The following DOCK4 variants were observed in gnomAD, a reference collection of about 807,000 sequenced individuals.
The protein encoded by DOCK4 is dedicator of cytokinesis protein 4.
In DOCK4, 97 loss-of-function variants were observed where a neutral mutation model predicts 268.1. The ratio of observed to expected loss-of-function variants is 0.36; its 90% confidence interval spans 0.31 to 0.43. The LOEUF is 0.43. DOCK4 is among the 20% of genes least tolerant of loss of function. The pLI is 1.00. For missense variants in DOCK4, 2,145 were observed against 2,455.7 expected (o/e 0.87, Z 2.67); for synonymous variants, 954 against 887.2 (o/e 1.08, Z -1.34).
chr7:111,996,285 A>C (rs919697655), intron 4 of DOCK4, among the ~76,000 whole-genome samples: 8 of 152,196 alleles, frequency 5.3e-5, no homozygotes, highest in African/African-American at 1.9e-4. Flanking sequence ...GCAAAATTTA[A>C]ATTTTTAAGC....
At chr7:112,080,607 A>T (rs894767045) in intron 1 of DOCK4, among the ~76,000 whole-genome samples, 1 of 152,206 alleles carries the variant, frequency 6.6e-6, no homozygotes, top group Admixed American at 6.5e-5. Flanking sequence ...TTGGCTACGC[A>T]CTTGTGACAA....
chr7:111,780,175 G>T (rs1237471956), intron 35 of DOCK4, among the ~76,000 whole-genome samples: 1 of 151,936 alleles, frequency 6.6e-6, no homozygotes, highest in Non-Finnish European at 1.5e-5. Context: ...TGTACTTTCC[G>T]CCCATTACCT....
At chr7:111,977,060 A>C (rs1277626132) in intron 8 of DOCK4, 72 bp downstream of exon 8, 1 of 1,540,646 alleles carries the variant, frequency 6.5e-7, no homozygotes, top group Non-Finnish European at 8.8e-7. Context: ...TATATATCTT[A>C]CAGCTTGCCA....
chr7:112,174,804 G>A (rs1466358809), intron 1 of DOCK4, among the ~76,000 whole-genome samples: 4 of 151,988 alleles, frequency 2.6e-5, no homozygotes, highest in Non-Finnish European at 5.9e-5. Context: ...CAGATGACTG[G>A]TCTCTCATTT....
chr7:112,115,733 G>A (rs930137055), intron 1 of DOCK4, among the ~76,000 whole-genome samples: 1 of 152,136 alleles, frequency 6.6e-6, no homozygotes, highest in African/African-American at 2.4e-5. Flanking sequence ...CCAGGCTGGA[G>A]TGCAGTGGTG....
intron 38 of DOCK4, among the ~76,000 whole-genome samples, chr7:111,766,466 G>C (rs1797767508): frequency 6.6e-6 from 1 of 152,184 alleles, no homozygotes; most frequent in African/African-American, 2.4e-5. Context: ...TAAGGACTTG[G>C]AGGGCAAGGA....
chr7:112,205,495 C>T (rs1263070943), intron 1 of DOCK4, among the ~76,000 whole-genome samples: 1 of 152,168 alleles, frequency 6.6e-6, no homozygotes, highest in African/African-American at 2.4e-5. Context: ...GCAACATACA[C>T]ACCCCATAAA....
At chr7:111,757,635 T>C (rs1317135851) in intron 41 of DOCK4, among the ~76,000 whole-genome samples, 1 of 152,142 alleles carries the variant, frequency 6.6e-6, no homozygotes, top group East Asian at 1.9e-4. Context: ...TGCTCTTTAT[T>C]CAATCCTGTC....
At position 111,758,773 on chromosome 7, in the gene DOCK4, C is replaced by A. The variant is rs1193689177; in HGVS notation, c.4180G>T (p.Val1394Leu). ...AEAQYLQIYA[V>L]TPIPESQEVL... is the part of the protein sequence containing the mutation. ...TCCTGGCTCTCTGGAATGGGAGTCA[C>A]AGCATATATCTGCAAATCTAGGATT... Residue 1394 changes from valine (V) to leucine (L), a missense_variant, in exon 41 of 53, where the codon GTG (valine) becomes TTG (leucine). By Grantham distance (32) the Val-to-Leu change is conservative. Transcript: ENST00000428084. 1.2e-6 allele frequency: 2 copies of A among 1,613,780 alleles called. No homozygotes were observed. The highest frequency in any genetic ancestry group is 1.7e-6 in the Non-Finnish European group (2 of 1,179,808).
At chr7:112,092,759 A>G (rs1809749401) in intron 1 of DOCK4, among the ~76,000 whole-genome samples, 1 of 152,160 alleles carries the variant, frequency 6.6e-6, no homozygotes, top group Non-Finnish European at 1.5e-5. Context: ...AATAGATCAG[A>G]AGGCCATAAT....
intron 1 of DOCK4, among the ~76,000 whole-genome samples, chr7:112,203,235 C>T (rs1821099342): frequency 6.6e-6 from 1 of 152,164 alleles, no homozygotes; most frequent in South Asian, 2.1e-4. Flanking sequence ...TATCACTGTG[C>T]CTCTTAACAT....
chr7:112,145,023 C>G (rs1338632184), intron 1 of DOCK4, among the ~76,000 whole-genome samples: 2 of 152,078 alleles, frequency 1.3e-5, no homozygotes, highest in African/African-American at 2.4e-5. Context: ...TCCGGTGCTT[C>G]TGTAAGAGCA....
intron 20 of DOCK4, 85 bp from the exon 21 acceptor site, chr7:111,869,740 A>C: frequency 9.0e-7 from 1 of 1,115,904 alleles, no homozygotes; most frequent in Non-Finnish European, 1.3e-6. Context: ...TAACTATATC[A>C]TGAGGAGGTT....
At chr7:111,926,612 G>C (rs1170648160) in intron 12 of DOCK4, among the ~76,000 whole-genome samples, 1 of 150,416 alleles carries the variant, frequency 6.6e-6, no homozygotes, top group Non-Finnish European at 1.5e-5. Flanking sequence ...CACGAGGTCA[G>C]GAGATCGAGA....
In DOCK4 at chr7:111,844,900, T is replaced by TAAAA; in HGVS notation, c.2602-4_2602-3insTTTT. Reference sequence around the variant, plus strand: ...ATTTCCTCCAGCACAGATTTTTCCTTAAGAGAAAAAAAATAATATGTTCAG... The same window carrying TAAAA: ...ATTTCCTCCAGCACAGATTTTTCCTTAAAAAAGAGAAAAAAAATAATATGTTCAG... On this transcript the variant is annotated splice_region_variant and splice_polypyrimidine_tract_variant and intron_variant, in intron 24 of 52. Transcript: ENST00000428084. The TAAAA allele has an allele frequency of 6.2e-7, 1 of 1,601,642 alleles. No homozygotes were observed. Among genetic ancestry groups the TAAAA allele is most frequent in the Non-Finnish European group, 8.5e-7 (1 of 1,175,250 alleles).
intron 6 of DOCK4, among the ~76,000 whole-genome samples, chr7:111,986,252 T>C (rs1242677362): frequency 6.6e-6 from 1 of 152,182 alleles, no homozygotes; most frequent in African/African-American, 2.4e-5. Flanking sequence ...ATCAGTCACA[T>C]GCAGGAGGAA....
At chr7:111,755,118 A>T (rs533526579) in intron 42 of DOCK4, among the ~76,000 whole-genome samples, 11 of 152,320 alleles carry the variant, frequency 7.2e-5, no homozygotes, top group Admixed American at 5.9e-4. Flanking sequence ...CAAAAACAGG[A>T]ATAAGAATAT....
At chr7:111,925,973 T>C (rs1227236568) in intron 12 of DOCK4, among the ~76,000 whole-genome samples, 2 of 147,920 alleles carry the variant, frequency 1.4e-5, no homozygotes, top group Non-Finnish European at 2.9e-5. Context: ...GTGTCGCCTG[T>C]AGTTCCAGCT....
chr7:111,868,765 AGT>A (rs1806188450), intron 21 of DOCK4, among the ~76,000 whole-genome samples: 1 of 152,180 alleles, frequency 6.6e-6, no homozygotes. Flanking sequence ...ATGAACACTA[AGT>A]GTTTTTGACC....
Sources: allele counts gnomAD v4.1 joint callset (sites outside exome capture counted in the v4.1 genomes callset), GRCh38; gene constraint gnomAD v4.1.1; transcripts MANE v1.5; gene names NCBI Gene and HGNC (gene_info 2026-07-23, HGNC 2026-07-21).